The following MED13L variants were observed in gnomAD, a reference collection of about 807,000 sequenced individuals.
MED13L encodes mediator complex subunit 13L, also known as mediator of RNA polymerase II transcription subunit 13-like.
Under a neutral mutation model 220.9 loss-of-function variants are expected in MED13L, and 7 were observed. The ratio of observed to expected loss-of-function variants is 0.03; its 90% CI spans 0.02 to 0.06. MED13L has a LOEUF of 0.06. Ranked by LOEUF, MED13L falls within the 10% of genes least tolerant of loss-of-function variation. MED13L has a pLI of 1.00. For missense variants in MED13L, 1,965 were observed against 2,760.5 expected (o/e 0.71, Z 6.46); for synonymous variants, 1,011 against 1,015.2 (o/e 1.00, Z 0.08).
chr12:116,276,843 C>T, intron 1 of MED13L: 1 of 1,057,720 alleles, frequency 9.5e-7, no homozygotes, highest in Non-Finnish European at 1.3e-6. Flanking sequence ...GCGCCGCGCT[C>T]ACAAATGATT....
At position 115,996,621 on chromosome 12, in the gene MED13L, C is replaced by A; in HGVS notation, c.2851G>T (p.Ala951Ser). Residue 951 changes from alanine (A) to serine (S), a missense_variant, in exon 16 of 31, where the codon GCT (alanine) becomes TCT (serine). Ala to Ser is a moderately conservative substitution (Grantham distance 99). Coordinates refer to ENST00000281928, the MANE Select transcript of MED13L (RefSeq NM_015335.5). Reference protein sequence around the residue: ...FQPFVGSSMFAPLKMLPSHCL... With the variant: ...FQPFVGSSMFSPLKMLPSHCL... ...TGGCTCGGCAACATCTTCAGTGGAG[C>A]AAACATGGAGGATCCCACAAAAGGT... 1 of 1,614,026 alleles carries A rather than the reference C, an allele frequency of 6.2e-7. No homozygotes were observed.
intron 2 of MED13L, among the ~76,000 whole-genome samples, chr12:116,224,576 A>G (rs1008186036): frequency 2.0e-5 from 3 of 152,246 alleles, no homozygotes; most frequent in Admixed American, 6.5e-5. Flanking sequence ...CATAGCACCT[A>G]AAATAATAGA....
intron 4 of MED13L, among the ~76,000 whole-genome samples, chr12:116,045,007 A>G (rs769337097): frequency 6.6e-6 from 1 of 152,194 alleles, no homozygotes. Context: ...AGGGTATAGT[A>G]AGAGACCCTA....
chr12:115,960,819 C>T lies in MED13L; in HGVS notation c.*447G>A. The stretch of plus-strand genomic sequence containing the variant: ...AGCTGGTTCTTATTTTTAAAAAGTC[C>T]CAGATTATGGAGTTCAGGTAACCCA... On this transcript the variant is annotated 3_prime_UTR_variant, in exon 31 of 31. Transcript: ENST00000281928. The T allele has an allele frequency of 4.5e-6, 1 of 224,652 alleles. No individual in the cohort carries two copies. Among genetic ancestry groups the T allele is most frequent in the Non-Finnish European group, 9.0e-6 (1 of 110,994 alleles). The allele number at this position is 224,652 out of a possible 1,614,324, so 13.9% of individuals were successfully genotyped here.
At chr12:115,995,468 G>A (rs940564513) in intron 16 of MED13L, among the ~76,000 whole-genome samples, 8 of 152,154 alleles carry the variant, frequency 5.3e-5, no homozygotes, top group Admixed American at 5.2e-4. Context: ...CTGTCGACCA[G>A]GCTGGAGTGC....
intron 2 of MED13L, among the ~76,000 whole-genome samples, chr12:116,137,935 C>A (rs867574973): frequency 5.5e-5 from 8 of 146,556 alleles, no homozygotes; most frequent in Middle Eastern, 7.6e-3. Context: ...CAGCTCACTG[C>A]AACCTCCGCC....
At chr12:116,194,988 A>T (rs558315525) in intron 2 of MED13L, among the ~76,000 whole-genome samples, 1 of 152,318 alleles carries the variant, frequency 6.6e-6, no homozygotes, top group Non-Finnish European at 1.5e-5. Context: ...TAGGTTTCAG[A>T]TCCTATAGAA....
chr12:116,046,324 C>T (rs1472304873), intron 4 of MED13L, among the ~76,000 whole-genome samples: 1 of 151,398 alleles, frequency 6.6e-6, no homozygotes, highest in African/African-American at 2.4e-5. Context: ...TCCATTGAAA[C>T]ATTGAAAAAA....
At chr12:116,238,690 A>G (rs1360872933) in intron 1 of MED13L, among the ~76,000 whole-genome samples, 4 of 152,246 alleles carry the variant, frequency 2.6e-5, no homozygotes, top group African/African-American at 4.8e-5. Flanking sequence ...GAAAACAGCC[A>G]TATCTTCTAC....
intron 1 of MED13L, among the ~76,000 whole-genome samples, chr12:116,270,388 T>C (rs1873204103): frequency 6.6e-6 from 1 of 152,068 alleles, no homozygotes; most frequent in African/African-American, 2.4e-5. Context: ...GTGATCCGCC[T>C]GCCTTGGCCT....
At chr12:116,210,823 T>A (rs915398519) in intron 2 of MED13L, among the ~76,000 whole-genome samples, 2 of 151,960 alleles carry the variant, frequency 1.3e-5, no homozygotes, top group African/African-American at 4.8e-5. Context: ...ACTGGTATGA[T>A]AATGAATAAA....
At chr12:116,247,719 G>C (rs1871210047) in intron 1 of MED13L, among the ~76,000 whole-genome samples, 1 of 152,172 alleles carries the variant, frequency 6.6e-6, no homozygotes, top group South Asian at 2.1e-4. Flanking sequence ...ATATGCATAT[G>C]TGCTGATTCA....
At chr12:116,111,341 A>C in intron 3 of MED13L, 87 bp downstream of exon 3, 4 of 1,032,336 alleles carry the variant, frequency 3.9e-6, no homozygotes, top group Non-Finnish European at 6.1e-6. Context: ...TTGCAAGTGA[A>C]AAGTTTTTGA....
intron 2 of MED13L, among the ~76,000 whole-genome samples, chr12:116,119,841 ATAT>A (rs1874877398): frequency 8.3e-5 from 9 of 108,184 alleles, no homozygotes; most frequent in African/African-American, 3.2e-4. Context: ...AAAAAAAAAT[ATAT>A]ATATATATAT....
chr12:116,057,712 C>A (rs931190414), intron 4 of MED13L, among the ~76,000 whole-genome samples: 6 of 151,812 alleles, frequency 4.0e-5, no homozygotes, highest in African/African-American at 1.5e-4. Context: ...ACCATTACTT[C>A]CATCTGGCAA....
At chr12:116,086,686 A>G (rs1215023122) in intron 4 of MED13L, among the ~76,000 whole-genome samples, 1 of 152,228 alleles carries the variant, frequency 6.6e-6, no homozygotes, top group East Asian at 1.9e-4. Flanking sequence ...ACAGGTTCTC[A>G]GAGACAGATC....
chr12:116,105,313 G>T (rs775388748), intron 3 of MED13L, among the ~76,000 whole-genome samples: 2 of 152,120 alleles, frequency 1.3e-5, no homozygotes, highest in South Asian at 4.1e-4. Flanking sequence ...TATTAGAAAG[G>T]GAGGAAGGAT....
At chr12:115,983,563 G>T in intron 20 of MED13L, 23 bp from the exon 21 acceptor site, 1 of 1,612,640 alleles carries the variant, frequency 6.2e-7, no homozygotes, top group Non-Finnish European at 8.5e-7. Flanking sequence ...ATGCAAAGAG[G>T]TGACTTTAGT....
At position 116,019,926 on chromosome 12, in the gene MED13L, T is replaced by C. The variant is rs756122556; in HGVS notation, c.672A>G (p.Ala224=). ...YGLNGTLTGQ[A]YKMSDPATRK... is the part of the protein sequence containing the mutation. ...GAGTGGCTGGGTCTGACATCTTGTA[T>C]GCTTGGCCTGTTAGCGTCCCATTTA... The change falls in exon 6 of 31, where the codon GCA becomes GCG. Residue 224 remains alanine (A), a synonymous_variant. Coordinates refer to ENST00000281928, the MANE Select transcript of MED13L (RefSeq NM_015335.5). The C allele has an allele frequency of 1.2e-6, 2 of 1,613,854 alleles. No individual in the cohort carries two copies. The highest frequency in any genetic ancestry group is 1.7e-6 in the Non-Finnish European group (2 of 1,179,912).
Sources: gnomAD v4.1 joint callset for allele counts (sites outside exome capture counted in the v4.1 genomes callset) on GRCh38, gnomAD v4.1.1 for gene constraint, MANE v1.5 for transcripts, NCBI Gene and HGNC (gene_info 2026-07-23, HGNC 2026-07-21) for gene names.